The following LRRC7 variants were observed in gnomAD, a reference collection of about 807,000 sequenced individuals.
LRRC7 encodes leucine-rich repeat-containing protein 7.
LRRC7 carries 23 observed loss-of-function variants against 175.7 expected under a neutral mutation model. The observed-to-expected ratio is 0.13, with a 90% CI of 0.09 to 0.19. The LOEUF (loss-of-function observed/expected upper bound fraction) is 0.19. Among genes scored for constraint, LRRC7 ranks in the 10% least tolerant of loss-of-function variants. LRRC7 has a pLI of 1.00. For synonymous variants in LRRC7, 685 were observed against 680.9 expected (o/e 1.01, Z -0.09); for missense variants, 1,354 against 1,904.7 (o/e 0.71, Z 5.38).
intron 11 of LRRC7, among the ~76,000 whole-genome samples, chr1:70,009,153 TA>T (rs1460930056): frequency 6.6e-6 from 1 of 152,130 alleles, no homozygotes; most frequent in African/African-American, 2.4e-5. Context: ...TTATTTTCAT[TA>T]AATACCTTCT....
At chr1:69,711,898 G>A (rs991647773) in intron 2 of LRRC7, among the ~76,000 whole-genome samples, 7 of 152,150 alleles carry the variant, frequency 4.6e-5, no homozygotes, top group African/African-American at 1.7e-4. Context: ...TTGGGCCACA[G>A]AAAGATGTAG....
At chr1:69,859,898 A>G (rs966036689) in intron 7 of LRRC7, among the ~76,000 whole-genome samples, 1 of 151,998 alleles carries the variant, frequency 6.6e-6, no homozygotes, top group Non-Finnish European at 1.5e-5. Context: ...TATTTGTAGA[A>G]ATTATATCAA....
Position 69,957,502 on chromosome 1 carries a change from T to G in LRRC7, c.712-22877T>G, listed in dbSNP as rs187878473. Among the ~76,000 whole-genome samples the G allele has an allele frequency of 2.6e-4, 39 of 151,992 alleles. No homozygotes were observed. The South Asian group carries it at 7.3e-3, about 28-fold the overall frequency. ...ACTATTTAACAGATTGGTGATATAA[T>G]TTTTTTGTTATTTTCTGTTCAGGTA... On this transcript the variant is annotated intron_variant, in intron 8 of 26. Coordinates refer to ENST00000651989, the MANE Select transcript of LRRC7 (RefSeq NM_001370785.2).
intron 1 of LRRC7, among the ~76,000 whole-genome samples, chr1:69,661,139 A>G (rs570250761): frequency 1.8e-4 from 27 of 152,054 alleles, no homozygotes; most frequent in African/African-American, 5.3e-4. Flanking sequence ...ATACTTCCTC[A>G]TGACTCCACA....
intron 8 of LRRC7, among the ~76,000 whole-genome samples, chr1:69,978,932 GAAAAAAAAA>G (rs3069189): frequency 1.6e-5 from 2 of 126,146 alleles, no homozygotes; most frequent in Admixed American, 8.1e-5. Context: ...GTTTCAGTTA[GAAAAAAAAA>G]AAAAAAAAAA....
chr1:70,110,504 C>A (rs1332674968), intron 26 of LRRC7, among the ~76,000 whole-genome samples: 1 of 152,160 alleles, frequency 6.6e-6, no homozygotes, highest in Non-Finnish European at 1.5e-5. Context: ...TTCAGTATTT[C>A]TAATCCTGGA....
intron 7 of LRRC7, among the ~76,000 whole-genome samples, chr1:69,908,573 T>G (rs1646405231): frequency 6.6e-6 from 1 of 152,054 alleles, no homozygotes; most frequent in African/African-American, 2.4e-5. Context: ...TTGAGCGGTT[T>G]TGAGTGAGTT....
chr1:69,850,005 G>A (rs10518321), intron 7 of LRRC7, among the ~76,000 whole-genome samples: 10,294 of 152,036 alleles, frequency 0.068, 479 homozygotes, highest in Non-Finnish European at 0.1. Flanking sequence ...AAGAACACAG[G>A]ATGATGTTAT....
At chr1:69,869,442 G>A (rs1385259104) in intron 7 of LRRC7, among the ~76,000 whole-genome samples, 3 of 152,088 alleles carry the variant, frequency 2.0e-5, no homozygotes, top group Admixed American at 2.0e-4. Flanking sequence ...AGCTTGTTCA[G>A]AGAGGAAATG....
At chr1:69,940,581 T>C (rs568392089) in intron 8 of LRRC7, among the ~76,000 whole-genome samples, 9 of 152,034 alleles carry the variant, frequency 5.9e-5, no homozygotes, top group African/African-American at 1.9e-4. Context: ...GCATATTAAA[T>C]AGGAGTTCAA....
intron 8 of LRRC7, among the ~76,000 whole-genome samples, chr1:69,947,164 C>G (rs1649426747): frequency 6.6e-6 from 1 of 151,436 alleles, no homozygotes; most frequent in Non-Finnish European, 1.5e-5. Context: ...TAAAGTGAAT[C>G]TCTTGTAGAC....
chr1:69,904,210 C>T (rs1298797012), intron 7 of LRRC7, among the ~76,000 whole-genome samples: 1 of 152,018 alleles, frequency 6.6e-6, no homozygotes, highest in Non-Finnish European at 1.5e-5. Context: ...GAGTCATAAA[C>T]AAGTTGAGTC....
chr1:69,668,559 G>C (rs1658608571), intron 1 of LRRC7, among the ~76,000 whole-genome samples: 1 of 152,158 alleles, frequency 6.6e-6, no homozygotes, highest in Non-Finnish European at 1.5e-5. Flanking sequence ...TTGGCATTTG[G>C]GTTGGTTCCA....
At chr1:69,590,005 G>A (rs147345554) in intron 1 of LRRC7, among the ~76,000 whole-genome samples, 232 of 152,128 alleles carry the variant, frequency 1.5e-3, no homozygotes, top group African/African-American at 5.3e-3. Flanking sequence ...CTTTGTCCTC[G>A]GCTATATTTA....
Position 69,994,741 on chromosome 1 carries a change from G to C in LRRC7, c.1004+108G>C, listed in dbSNP as rs547058752. ...TTCTACTAAAGATACCAATAATCCT[G>C]TTCATCTGTCAGCTTATTTTAAACC... On this transcript the variant is annotated intron_variant, in intron 11 of 26. Coordinates refer to ENST00000651989, the MANE Select transcript of LRRC7 (RefSeq NM_001370785.2). 6.2e-6 allele frequency: 4 copies of C among 649,230 alleles called. No individual in the cohort carries two copies. The South Asian group carries it at 9.1e-5, about 15-fold the overall frequency. The allele number at this position is 649,230 out of a possible 1,614,324, so 40.2% of individuals were successfully genotyped here. A position where few individuals can be genotyped will look rare whatever the true frequency, so the allele number is the denominator to read the frequency against.
intron 7 of LRRC7, among the ~76,000 whole-genome samples, chr1:69,917,798 C>A (rs913459245): frequency 2.6e-5 from 4 of 152,132 alleles, no homozygotes; most frequent in African/African-American, 9.7e-5. Flanking sequence ...AGCTTCTTCA[C>A]TTTGGACCAA....
intron 8 of LRRC7, among the ~76,000 whole-genome samples, chr1:69,951,300 G>C (rs1557924014): frequency 6.6e-6 from 1 of 151,894 alleles, no homozygotes; most frequent in Non-Finnish European, 1.5e-5. Context: ...AGATACTGGC[G>C]AAGTTGCAGA....
intron 16 of LRRC7, among the ~76,000 whole-genome samples, chr1:70,021,694 A>AT (rs779895578): frequency 3.9e-5 from 6 of 152,100 alleles, no homozygotes; most frequent in Non-Finnish European, 8.8e-5. Context: ...CATAACTTCA[A>AT]TTTTTTTTAC....
At chr1:69,842,534 T>C (rs1192699999) in intron 7 of LRRC7, among the ~76,000 whole-genome samples, 1 of 152,188 alleles carries the variant, frequency 6.6e-6, no homozygotes, top group Non-Finnish European at 1.5e-5. Flanking sequence ...TGCTGTCATA[T>C]ACACTGACTA....
Sources: gnomAD v4.1 joint callset for allele counts (sites outside exome capture counted in the v4.1 genomes callset) on GRCh38, gnomAD v4.1.1 for gene constraint, MANE v1.5 for transcripts, NCBI Gene and HGNC (gene_info 2026-07-23, HGNC 2026-07-21) for gene names.